The following ROBO2 variants were observed in gnomAD, a reference collection of about 807,000 sequenced individuals.
The protein encoded by ROBO2 is roundabout homolog 2.
Under a neutral mutation model 160.8 loss-of-function variants are expected in ROBO2, and 53 were observed. The observed-to-expected ratio is 0.33, with a 90% CI of 0.26 to 0.41. The LOEUF is 0.41. Ranked by LOEUF, ROBO2 falls within the 10% of genes least tolerant of loss-of-function variation. ROBO2 has a pLI of 1.00. For missense variants in ROBO2, 1,577 were observed against 1,722.4 expected, an observed-to-expected ratio of 0.92 and a Z score of 1.49; for synonymous variants, 664 against 611.7, an observed-to-expected ratio of 1.09 and a Z score of -1.26.
intron 2 of ROBO2, among the ~76,000 whole-genome samples, chr3:76,179,661 A>G (rs940728351): frequency 2.6e-5 from 4 of 152,094 alleles, no homozygotes; most frequent in Non-Finnish European, 5.9e-5. Context: ...CCTGGGTATA[A>G]TCAAGGTGAT....
chr3:76,724,063 C>T (rs893747075), intron 2 of ROBO2, among the ~76,000 whole-genome samples: 11 of 152,166 alleles, frequency 7.2e-5, no homozygotes, highest in Admixed American at 7.2e-4. Flanking sequence ...ACACTGTGGT[C>T]GATTATTCTA....
intron 2 of ROBO2, among the ~76,000 whole-genome samples, chr3:77,216,249 G>T (rs551256465): frequency 7.3e-5 from 11 of 150,476 alleles, no homozygotes; most frequent in African/African-American, 1.2e-4. Flanking sequence ...TGGCCGCTTT[G>T]TTTACCTACT....
At chr3:77,348,640 T>TG (rs2067949377) in intron 2 of ROBO2, among the ~76,000 whole-genome samples, 1 of 152,178 alleles carries the variant, frequency 6.6e-6, no homozygotes, top group South Asian at 2.1e-4. Flanking sequence ...CAAAGCTATT[T>TG]GTTCTATTTT....
At chr3:76,451,902 G>C (rs2077493570) in intron 2 of ROBO2, among the ~76,000 whole-genome samples, 1 of 152,014 alleles carries the variant, frequency 6.6e-6, no homozygotes, top group African/African-American at 2.4e-5. Context: ...AGGAGAACCT[G>C]TTTACAATTT....
intron 2 of ROBO2, among the ~76,000 whole-genome samples, chr3:77,361,203 A>G (rs907731942): frequency 1.1e-4 from 16 of 152,220 alleles, no homozygotes; most frequent in Non-Finnish European, 1.8e-4. Context: ...ATAAACAACA[A>G]ATAGTTTTGT....
intron 2 of ROBO2, among the ~76,000 whole-genome samples, chr3:76,876,618 T>C (rs887646283): frequency 6.6e-6 from 1 of 151,554 alleles, no homozygotes; most frequent in African/African-American, 2.4e-5. Context: ...GAGTCTGCAG[T>C]GAGCCGAGAT....
intron 2 of ROBO2, among the ~76,000 whole-genome samples, chr3:76,487,213 C>T (rs950044865): frequency 6.6e-6 from 1 of 151,492 alleles, no homozygotes; most frequent in Middle Eastern, 3.2e-3. Flanking sequence ...CTCCTGACCT[C>T]AAGCGATTCT....
intron 2 of ROBO2, among the ~76,000 whole-genome samples, chr3:77,103,395 A>G (rs2072313710): frequency 7.6e-6 from 1 of 130,866 alleles, no homozygotes; most frequent in African/African-American, 2.8e-5. Flanking sequence ...CAGGGGTCAC[A>G]TAGAAACCAA....
In ROBO2 at chr3:77,344,150, T is replaced by C. The variant is rs529034933; in HGVS notation, c.389-133264T>C. 1.3e-3 allele frequency among the ~76,000 whole-genome samples: 202 copies of C among 152,268 alleles called. 1 individual carries two copies. The highest frequency in any genetic ancestry group is 4.8e-3 in the African/African-American group (198 of 41,570). ...CCTCCTTTTATGGTCAGAGAGGTCCTCCTGAGAAGATGGTGAGAAGGAGAT... is the reference window on the plus strand; with the variant it reads ...CCTCCTTTTATGGTCAGAGAGGTCCCCCTGAGAAGATGGTGAGAAGGAGAT... On this transcript the variant is annotated intron_variant, in intron 2 of 25. Coordinates refer to ENST00000461745, the Ensembl canonical transcript of ROBO2.
intron 2 of ROBO2, among the ~76,000 whole-genome samples, chr3:76,904,740 C>T (rs1456678726): frequency 1.3e-5 from 2 of 152,140 alleles, no homozygotes; most frequent in African/African-American, 2.4e-5. Flanking sequence ...CTTCTGTCTG[C>T]ATATTCTCCA....
At chr3:76,183,454 C>A (rs781646404) in intron 2 of ROBO2, among the ~76,000 whole-genome samples, 1 of 152,128 alleles carries the variant, frequency 6.6e-6, no homozygotes, top group Non-Finnish European at 1.5e-5. Context: ...GTCTGTTATA[C>A]ATAATATATA....
At chr3:76,445,234 G>A (rs1577237579) in intron 2 of ROBO2, among the ~76,000 whole-genome samples, 1 of 152,104 alleles carries the variant, frequency 6.6e-6, no homozygotes, top group Non-Finnish European at 1.5e-5. Context: ...AATTGTACAG[G>A]GAAGTGCACA....
intron 2 of ROBO2, among the ~76,000 whole-genome samples, chr3:77,292,593 A>C (rs1047317738): frequency 1.3e-5 from 2 of 150,996 alleles, no homozygotes; most frequent in African/African-American, 4.9e-5. Flanking sequence ...AGCTGAGGCC[A>C]GATCACCCCA....
chr3:76,200,957 C>T (rs1702495751), intron 2 of ROBO2, among the ~76,000 whole-genome samples: 1 of 152,080 alleles, frequency 6.6e-6, no homozygotes, highest in African/African-American at 2.4e-5. Context: ...GTTTTTTCCT[C>T]AGGTTTGTGG....
chr3:76,753,479 TC>T (rs2060793708), intron 2 of ROBO2, among the ~76,000 whole-genome samples: 1 of 151,914 alleles, frequency 6.6e-6, no homozygotes, highest in African/African-American at 2.4e-5. Flanking sequence ...ACAGTATGCT[TC>T]CTTAGTTTTT....
intron 2 of ROBO2, among the ~76,000 whole-genome samples, chr3:77,199,828 A>G (rs1316998908): frequency 2.7e-5 from 4 of 150,116 alleles, no homozygotes; most frequent in African/African-American, 7.4e-5. Context: ...TGACCCCACT[A>G]TGTTGCCAAG....
At position 76,936,912 on chromosome 3, in the gene ROBO2, A is replaced by C. The variant is rs1015624803; in HGVS notation, c.110-161102A>C. Among the ~76,000 whole-genome samples, 10 of 152,054 alleles carry C rather than the reference A, an allele frequency of 6.6e-5. No individual in the cohort carries two copies. The South Asian group carries it at 1.2e-3, about 19-fold the overall frequency. On this transcript the variant is annotated intron_variant, in intron 2 of 26. Coordinates refer to the ROBO2 transcript ENST00000487694. ...TTCTGAACTGGTTGTTGGAAACATT[A>C]TTCCTAGAAAATTACTTAGGATGTC... is the stretch of plus-strand genomic sequence containing the variant.
intron 2 of ROBO2, among the ~76,000 whole-genome samples, chr3:77,175,412 A>T (rs2080047845): frequency 6.6e-6 from 1 of 152,062 alleles, no homozygotes; most frequent in African/African-American, 2.4e-5. Flanking sequence ...GATTGGAATG[A>T]TAATGTAGAG....
At chr3:77,341,063 A>G (rs935092109) in intron 2 of ROBO2, among the ~76,000 whole-genome samples, 7 of 152,148 alleles carry the variant, frequency 4.6e-5, no homozygotes, top group African/African-American at 1.7e-4. Flanking sequence ...TGAAATTCAA[A>G]TTTTGGTGTT....
Sources: gnomAD v4.1 joint callset for allele counts (sites outside exome capture counted in the v4.1 genomes callset) on GRCh38, gnomAD v4.1.1 for gene constraint, MANE v1.5 for transcripts, NCBI Gene and HGNC (gene_info 2026-07-23, HGNC 2026-07-21) for gene names.